MTO1: variants seen among roughly 807,000 people sequenced by gnomAD.
MTO1 encodes 5-taurinomethyluridine-[tRNA] synthase subunit MTO1, mitochondrial.
In MTO1, 46 loss-of-function variants were observed where a neutral mutation model predicts 71.6. The observed-to-expected ratio is 0.64, with a 90% CI of 0.51 to 0.82. The LOEUF (loss-of-function observed/expected upper bound fraction) is 0.82. Among genes scored for constraint, MTO1 ranks in the 40% least tolerant of loss-of-function variants. The pLI, the probability that MTO1 is intolerant of heterozygous loss-of-function variation, is 0.00. For synonymous variants in MTO1, 297 were observed against 312.1 expected, an observed-to-expected ratio of 0.95 and a Z score of 0.51; for missense variants, 773 against 867.5, an observed-to-expected ratio of 0.89 and a Z score of 1.37.
chr6:73,485,441 CTTT>C (rs1234020094), intron 9 of MTO1, among the ~76,000 whole-genome samples: 7 of 142,094 alleles, frequency 4.9e-5, no homozygotes, highest in African/African-American at 5.2e-5. Context: ...TTCTTTCTTT[CTTT>C]TTTTTTTTTT....
intron 9 of MTO1, among the ~76,000 whole-genome samples, chr6:73,489,278 C>T (rs1234917392): frequency 5.6e-5 from 8 of 143,468 alleles, no homozygotes; most frequent in Admixed American, 1.4e-4. Flanking sequence ...TTCTTTTTTT[C>T]TTTTTTTTTT....
At chr6:73,500,107 C>T (rs966625460) in intron 11 of MTO1, among the ~76,000 whole-genome samples, 1 of 152,142 alleles carries the variant, frequency 6.6e-6, no homozygotes, top group African/African-American at 2.4e-5. Context: ...TCAAGTGATC[C>T]TCCCACCTTT....
At chr6:73,489,156 T>C (rs1771738412) in intron 9 of MTO1, among the ~76,000 whole-genome samples, 1 of 152,214 alleles carries the variant, frequency 6.6e-6, no homozygotes, top group South Asian at 2.1e-4. Context: ...ATTCTTTTGC[T>C]GTTTGGATAT....
chr6:73,478,431 T>C (rs989766004), intron 4 of MTO1, among the ~76,000 whole-genome samples: 1 of 151,926 alleles, frequency 6.6e-6, no homozygotes, highest in South Asian at 2.1e-4. Flanking sequence ...AAAAAATAAT[T>C]GATGGTCCTA....
intron 4 of MTO1, among the ~76,000 whole-genome samples, chr6:73,477,379 G>T (rs2150034046): frequency 1.0e-5 from 1 of 96,262 alleles, no homozygotes; most frequent in East Asian, 3.5e-4. Context: ...CTGGGCAACA[G>T]CAAGACTATG....
intron 1 of MTO1, among the ~76,000 whole-genome samples, chr6:73,464,484 C>T (rs2150026084): frequency 6.6e-6 from 1 of 152,080 alleles, no homozygotes; most frequent in South Asian, 2.1e-4. Context: ...ACCATTAAAA[C>T]TTGTGGAGGT....
chr6:73,479,462 T>C (rs1194664002), intron 4 of MTO1, among the ~76,000 whole-genome samples: 4 of 152,064 alleles, frequency 2.6e-5, no homozygotes, highest in Non-Finnish European at 5.9e-5. Flanking sequence ...GCTACTGCCC[T>C]CCAGCCTGGG....
intron 11 of MTO1, among the ~76,000 whole-genome samples, chr6:73,499,391 A>G (rs1772090482): frequency 6.6e-6 from 1 of 151,920 alleles, no homozygotes; most frequent in South Asian, 2.1e-4. Context: ...GTGCAGTGGC[A>G]TGCACCTATA....
intron 10 of MTO1, chr6:73,492,748 G>A (rs1771848136): frequency 6.4e-6 from 1 of 155,074 alleles, no homozygotes; most frequent in Non-Finnish European, 1.4e-5. Flanking sequence ...GGGAGGTGGA[G>A]GTTGCAGTGA....
intron 7 of MTO1, 113 bp from the exon 8 acceptor site, chr6:73,481,927 G>T (rs956256878): frequency 1.8e-6 from 2 of 1,089,092 alleles, no homozygotes; most frequent in East Asian, 2.4e-5. Flanking sequence ...ATCCCTTAGG[G>T]GCAATACTTG....
chr6:73,467,187 G>A (rs1481216427), intron 3 of MTO1, among the ~76,000 whole-genome samples: 1 of 151,992 alleles, frequency 6.6e-6, no homozygotes, highest in African/African-American at 2.4e-5. Context: ...GGTAGCAGGT[G>A]CCTGTAGTTT....
chr6:73,471,186 C>T (rs1771153076), intron 3 of MTO1, among the ~76,000 whole-genome samples: 1 of 135,292 alleles, frequency 7.4e-6, no homozygotes, highest in Non-Finnish European at 1.5e-5. Flanking sequence ...TCTGTGTTTG[C>T]TTTGCTTTTG....
intron 9 of MTO1, among the ~76,000 whole-genome samples, chr6:73,489,985 CTG>C: frequency 6.6e-6 from 1 of 152,254 alleles, no homozygotes; most frequent in Non-Finnish European, 1.5e-5. Context: ...ACCATTCTAA[CTG>C]GTGTGAGATG....
At chr6:73,466,756 A>G (rs952116894) in intron 3 of MTO1, 150 bp downstream of exon 3, 3 of 653,314 alleles carry the variant, frequency 4.6e-6, no homozygotes, top group Non-Finnish European at 7.9e-6. Context: ...ATAAATAAAT[A>G]TGTTTCTCTT....
At position 73,466,420 on chromosome 6, in the gene MTO1, GC is replaced by G; in HGVS notation, c.417+13del. Reference sequence around the variant, plus strand: ...AACAGAACATGCAGGTAAGAATAGGGCATGAGCACAGGAAAGATTATAGTGA... The same window carrying G: ...AACAGAACATGCAGGTAAGAATAGGGATGAGCACAGGAAAGATTATAGTGA... On this transcript the variant is annotated intron_variant, in intron 2 of 11. Transcript: ENST00000498286. 6.2e-7 allele frequency: 1 copy of G among 1,613,836 alleles called. No individual in the cohort carries two copies. The highest frequency in any genetic ancestry group is 8.5e-7 in the Non-Finnish European group (1 of 1,179,748).
At chr6:73,478,359 C>T (rs1771389757) in intron 4 of MTO1, among the ~76,000 whole-genome samples, 2 of 151,756 alleles carry the variant, frequency 1.3e-5, no homozygotes, top group Non-Finnish European at 2.9e-5. Flanking sequence ...GTAGGAGGAT[C>T]ACTTAAGCCT....
At position 73,472,854 on chromosome 6, in the gene MTO1, A is replaced by G. The variant is rs190271045; in HGVS notation, c.536-511A>G. Among the ~76,000 whole-genome samples, 443 of 152,306 alleles carry G rather than the reference A, an allele frequency of 2.9e-3. 3 individuals are homozygous for G. Among genetic ancestry groups the G allele is most frequent in the African/African-American group, 0.01 (421 of 41,568 alleles). Reference sequence around the variant, plus strand: ...ATATACAGTTTTTTATATGTCTGTTATATGTCGATAAGTCTTGAAAAAACA... The same window carrying G: ...ATATACAGTTTTTTATATGTCTGTTGTATGTCGATAAGTCTTGAAAAAACA... On this transcript the variant is annotated intron_variant, in intron 3 of 11. Transcript: ENST00000498286.
At chr6:73,494,125 C>T (rs956708307) in intron 10 of MTO1, among the ~76,000 whole-genome samples, 8 of 151,988 alleles carry the variant, frequency 5.3e-5, no homozygotes, top group Admixed American at 3.9e-4. Flanking sequence ...ATCCCAGCTA[C>T]TCGGGAGGCT....
intron 11 of MTO1, among the ~76,000 whole-genome samples, chr6:73,498,191 A>G (rs530655761): frequency 5.7e-4 from 87 of 152,136 alleles, no homozygotes; most frequent in African/African-American, 1.9e-3. Flanking sequence ...AGCCTGGGCA[A>G]CAGAGTGAGA....
Sources: gnomAD v4.1 joint callset for allele counts (sites outside exome capture counted in the v4.1 genomes callset) on GRCh38, gnomAD v4.1.1 for gene constraint, MANE v1.5 for transcripts, NCBI Gene and HGNC (gene_info 2026-07-23, HGNC 2026-07-21) for gene names.